DTHD1: variants seen among roughly 807,000 people sequenced by gnomAD.
DTHD1 encodes death domain containing 1.
DTHD1 carries 59 observed loss-of-function variants against 74.8 expected under a neutral mutation model. The observed-to-expected ratio is 0.79, with a 90% CI of 0.64 to 0.98. DTHD1 has a LOEUF of 0.98. Among genes scored for constraint, DTHD1 ranks in the 50% least tolerant of loss-of-function variants. The pLI is 0.00. For missense variants in DTHD1, 1,051 were observed against 1,065.4 expected, an observed-to-expected ratio of 0.99 and a Z score of 0.19; for synonymous variants, 365 against 371.1, an observed-to-expected ratio of 0.98 and a Z score of 0.19.
chr4:36,293,394 T>C (rs1320378236), intron 3 of DTHD1, 132 bp from the exon 4 acceptor site: 2 of 644,940 alleles, frequency 3.1e-6, no homozygotes, highest in Non-Finnish European at 4.5e-6. Context: ...TTTTAGGTTA[T>C]TGGAATCATT....
intron 8 of DTHD1, among the ~76,000 whole-genome samples, chr4:36,325,247 C>A (rs767367466): frequency 5.9e-5 from 9 of 152,050 alleles, no homozygotes; most frequent in Non-Finnish European, 1.2e-4. Context: ...AACCAGAGAC[C>A]CTTAGTTTTT....
At chr4:36,329,372 AGTTTAGT>A (rs550359159) in intron 8 of DTHD1, among the ~76,000 whole-genome samples, 305 of 152,272 alleles carry the variant, frequency 2.0e-3, no homozygotes, top group Admixed American at 4.1e-3. Context: ...ACTTCTGAAT[AGTTTAGT>A]GTTTTTCTGT....
chr4:36,329,667 G>A (rs1758555960), intron 8 of DTHD1, among the ~76,000 whole-genome samples: 1 of 152,190 alleles, frequency 6.6e-6, no homozygotes, highest in South Asian at 2.1e-4. Context: ...TGGAATTGCA[G>A]GTGCTGTTTT....
chr4:36,324,936 G>T (rs1758254809), intron 8 of DTHD1, among the ~76,000 whole-genome samples: 1 of 152,114 alleles, frequency 6.6e-6, no homozygotes, highest in Admixed American at 6.6e-5. Context: ...TGCAGAGAAT[G>T]TTTAGGGTCT....
rs1483490324 is a variant in DTHD1 at position 36,308,389 on chromosome 4, T to G, written c.1991T>G (p.Leu664Arg). 6.4e-7 allele frequency: 1 copy of G among 1,551,734 alleles called. No homozygotes were observed. The highest frequency in any genetic ancestry group is 1.4e-5 in the African/African-American group (1 of 73,060). Residue 664 changes from leucine to arginine, a missense_variant, in exon 7 of 10, where the codon CTG becomes CGG. By Grantham distance (102) the Leu-to-Arg change is moderately radical. Coordinates refer to ENST00000639862, the MANE Select transcript of DTHD1 (RefSeq NM_001170700.3). ...GATTTAAGCCAGGTGCTTAAGGACCTGCACTTGGAAGGGTTTGGAGGACCT... is the reference window on the plus strand; with the variant it reads ...GATTTAAGCCAGGTGCTTAAGGACCGGCACTTGGAAGGGTTTGGAGGACCT... ...SKDLSQVLKD[L>R]HLEGFGGPPE...
chr4:36,288,345 G>A (rs757781476), intron 2 of DTHD1, among the ~76,000 whole-genome samples: 4 of 152,144 alleles, frequency 2.6e-5, no homozygotes, highest in African/African-American at 7.2e-5. Flanking sequence ...TGATCCTTCC[G>A]CTTCGGTCTC....
intron 1 of DTHD1, among the ~76,000 whole-genome samples, chr4:36,283,509 G>A (rs774881428): frequency 6.6e-6 from 1 of 152,162 alleles, no homozygotes; most frequent in African/African-American, 2.4e-5. Context: ...AATAATGGAG[G>A]TATGGTGTTT....
chr4:36,297,049 T>C (rs1464085066), intron 5 of DTHD1, among the ~76,000 whole-genome samples: 1 of 152,076 alleles, frequency 6.6e-6, no homozygotes, highest in African/African-American at 2.4e-5. Flanking sequence ...ATTAAGAAAA[T>C]CATAAGGAAG....
intron 8 of DTHD1, among the ~76,000 whole-genome samples, chr4:36,326,025 T>C (rs1298672405): frequency 1.3e-5 from 2 of 152,142 alleles, no homozygotes; most frequent in East Asian, 1.9e-4. Context: ...ATAGGGCCCA[T>C]TGCAAACTCC....
chr4:36,284,583 G>T lies in DTHD1; in HGVS notation c.879G>T (p.Met293Ile). The stretch of plus-strand genomic sequence containing the variant: ...ATATAAAGCACAAGAATAACATAAT[G>T]GAAAAGGAGTAAGTAAATGCAATGT... ...SENIKHKNNIMEKEYLDVLSD... is the reference protein window; with the variant it reads ...SENIKHKNNIIEKEYLDVLSD... Residue 293 changes from methionine (M) to isoleucine (I), a missense_variant, in exon 2 of 10, where the codon ATG (methionine) becomes ATT (isoleucine). Coordinates refer to ENST00000639862, the MANE Select transcript of DTHD1 (RefSeq NM_001170700.3). 1 of 1,511,074 alleles carries T rather than the reference G, an allele frequency of 6.6e-7. No homozygotes were observed. Among genetic ancestry groups the T allele is most frequent in the South Asian group, 1.3e-5 (1 of 78,928 alleles). 93.6% of individuals were successfully genotyped at this position (1,511,074 alleles called of 1,614,324 possible).
In DTHD1 at chr4:36,293,654, C is replaced by T. The variant is rs370087938; in HGVS notation, c.1347C>T (p.Ser449=). The stretch of plus-strand genomic sequence containing the variant: ...AGTCAAGCATGGATTCCCGAATATC[C>T]TTAAATTACCCTCCAGGAGTTTTTA... ...ALKSSMDSRI[S]LNYPPGVFTS... Residue 449 remains serine (S), a synonymous_variant, in exon 4 of 10, where the codon TCC becomes TCT. Coordinates refer to ENST00000639862, the MANE Select transcript of DTHD1 (RefSeq NM_001170700.3). The T allele has an allele frequency of 6.5e-7, 1 of 1,547,958 alleles. No homozygotes were observed.
intron 8 of DTHD1, among the ~76,000 whole-genome samples, chr4:36,329,453 G>A (rs1278073201): frequency 6.6e-6 from 1 of 152,202 alleles, no homozygotes; most frequent in Non-Finnish European, 1.5e-5. Context: ...GCCGTTCCTT[G>A]AGCAGGACAG....
chr4:36,310,827 G>A (rs761993979), intron 7 of DTHD1, among the ~76,000 whole-genome samples: 1 of 152,112 alleles, frequency 6.6e-6, no homozygotes, highest in African/African-American at 2.4e-5. Context: ...GGGACTTAGT[G>A]AGCAAGTGAC....
chr4:36,311,816 T>C (rs1162312546), intron 7 of DTHD1: 1 of 152,192 alleles, frequency 6.6e-6, no homozygotes, highest in Admixed American at 6.5e-5. Flanking sequence ...AAACTCAGTA[T>C]TCATTGAAAG....
intron 8 of DTHD1, among the ~76,000 whole-genome samples, chr4:36,321,962 G>T (rs984037636): frequency 2.0e-5 from 3 of 152,016 alleles, no homozygotes; most frequent in Non-Finnish European, 4.4e-5. Context: ...CCCCTTGCTG[G>T]AATGTTCTTC....
At chr4:36,296,096 A>C (rs1178284156) in intron 5 of DTHD1, among the ~76,000 whole-genome samples, 1 of 152,124 alleles carries the variant, frequency 6.6e-6, no homozygotes, top group Non-Finnish European at 1.5e-5. Flanking sequence ...TTAACCAGAA[A>C]CCGATTATGT....
chr4:36,322,672 G>C (rs888160709), intron 8 of DTHD1, among the ~76,000 whole-genome samples: 1 of 152,124 alleles, frequency 6.6e-6, no homozygotes, highest in African/African-American at 2.4e-5. Flanking sequence ...AAGCGTCCTG[G>C]TGATACTTCA....
intron 8 of DTHD1, among the ~76,000 whole-genome samples, chr4:36,328,878 C>T (rs1339738124): frequency 6.6e-6 from 1 of 152,114 alleles, no homozygotes; most frequent in Non-Finnish European, 1.5e-5. Context: ...AAACAATGTC[C>T]AATCAGGGCC....
chr4:36,302,477 T>C (rs1183959003), intron 5 of DTHD1, among the ~76,000 whole-genome samples: 2 of 152,206 alleles, frequency 1.3e-5, no homozygotes, highest in African/African-American at 4.8e-5. Flanking sequence ...TATCCAACAG[T>C]GATTACACCG....
Sources: gnomAD v4.1 joint callset for allele counts (sites outside exome capture counted in the v4.1 genomes callset) on GRCh38, gnomAD v4.1.1 for gene constraint, MANE v1.5 for transcripts, NCBI Gene and HGNC (gene_info 2026-07-23, HGNC 2026-07-21) for gene names.